Variants in DNAI4 observed in about 807,000 individuals in gnomAD.
DNAI4 encodes the protein WD repeat domain 78.
DNAI4 carries 85 observed loss-of-function variants against 105.8 expected under a neutral mutation model. That is an observed-to-expected ratio of 0.80 (90% CI 0.67 to 0.96). DNAI4 has a LOEUF of 0.96. Ranked by LOEUF, DNAI4 falls within the 40% of genes least tolerant of loss-of-function variation. DNAI4 has a pLI of 0.00. For synonymous variants in DNAI4, 352 were observed against 331.5 expected (o/e 1.06, Z -0.67); for missense variants, 1,014 against 1,005.6 (o/e 1.01, Z -0.11).
At chr1:66,819,200 C>G (rs1224418278) in intron 16 of DNAI4, among the ~76,000 whole-genome samples, 1 of 152,180 alleles carries the variant, frequency 6.6e-6, no homozygotes, top group Non-Finnish European at 1.5e-5. Flanking sequence ...ATGAGCCTTT[C>G]CAATTCCTTA....
intron 6 of DNAI4, among the ~76,000 whole-genome samples, chr1:66,866,593 T>C (rs1014842556): frequency 2.6e-5 from 4 of 152,196 alleles, no homozygotes; most frequent in African/African-American, 9.6e-5. Context: ...TGTATTTTAT[T>C]GTCTTCTTCT....
intron 6 of DNAI4, among the ~76,000 whole-genome samples, chr1:66,868,666 C>T (rs539503521): frequency 6.6e-6 from 1 of 152,222 alleles, no homozygotes; most frequent in Non-Finnish European, 1.5e-5. Flanking sequence ...TTCAAACTAC[C>T]ACATTAGCTT....
At chr1:66,883,949 A>G (rs1647136297) in intron 4 of DNAI4, among the ~76,000 whole-genome samples, 1 of 152,160 alleles carries the variant, frequency 6.6e-6, no homozygotes. Context: ...ACTTCTCCTA[A>G]GATTTTTCAC....
At chr1:66,841,227 G>A (rs938514723) in intron 8 of DNAI4, among the ~76,000 whole-genome samples, 7 of 152,182 alleles carry the variant, frequency 4.6e-5, no homozygotes, top group Admixed American at 3.9e-4. Flanking sequence ...AAGGGAAAGA[G>A]CTCTGCAGAC....
intron 7 of DNAI4, among the ~76,000 whole-genome samples, chr1:66,852,334 C>A (rs1020048983): frequency 4.6e-5 from 7 of 151,894 alleles, no homozygotes; most frequent in Non-Finnish European, 5.9e-5. Context: ...TTCTACATAA[C>A]CTTTTCCAAA....
chr1:66,826,999 A>G lies in DNAI4; in HGVS notation c.2160T>C (p.Phe720=). 1 of 1,614,154 alleles carries G rather than the reference A, an allele frequency of 6.2e-7. No homozygotes were observed. The highest frequency in any genetic ancestry group is 8.5e-7 in the Non-Finnish European group (1 of 1,180,030). The part of the protein sequence containing the change: ...VTWNPFCHDV[F]LSCSADWGVI... The stretch of plus-strand genomic sequence containing the variant: ...CACCCCAATCTGCAGAACAGCTTAA[A>G]AATACATCATGACAAAATGGATTCC... The change falls in exon 15 of 17, where the codon TTT becomes TTC. Residue 720 remains phenylalanine, a synonymous_variant. Coordinates refer to ENST00000371026, the MANE Select transcript of DNAI4 (RefSeq NM_024763.5).
At position 66,847,674 on chromosome 1, in the gene DNAI4, ACTAT is replaced by A; in HGVS notation, c.1097_1100del (p.Asn366MetfsTer6). 1 of 1,597,734 alleles carries A rather than the reference ACTAT, an allele frequency of 6.3e-7. No individual in the cohort carries two copies. The highest frequency in any genetic ancestry group is 1.1e-5 in the South Asian group (1 of 89,446). On this transcript the variant is annotated frameshift_variant and splice_region_variant, in exon 8 of 17. Coordinates refer to ENST00000371026, the MANE Select transcript of DNAI4 (RefSeq NM_024763.5). LOFTEE classifies it high-confidence loss of function. ...CTATGTCCATTAGAGAACTAGTTTCACTATCTACAAAATACAAACATGATACAAT... is the reference window on the plus strand; with the variant it reads ...CTATGTCCATTAGAGAACTAGTTTCACTACAAAATACAAACATGATACAAT...
intron 4 of DNAI4, 140 bp downstream of exon 4, chr1:66,891,014 G>A (rs990947200): frequency 5.6e-6 from 4 of 715,022 alleles, no homozygotes; most frequent in Non-Finnish European, 9.8e-6. Context: ...TATTCCCCTG[G>A]TAATTCTCTT....
intron 4 of DNAI4, among the ~76,000 whole-genome samples, chr1:66,888,052 C>T (rs1319126394): frequency 6.6e-6 from 1 of 152,040 alleles, no homozygotes; most frequent in African/African-American, 2.4e-5. Context: ...CTATTTGTAA[C>T]TTCCCATTCA....
chr1:66,898,846 G>A (rs1231966657), intron 2 of DNAI4, among the ~76,000 whole-genome samples: 1 of 152,146 alleles, frequency 6.6e-6, no homozygotes, highest in African/African-American at 2.4e-5. Context: ...TCCCTATTCA[G>A]GAGTTTGATA....
chr1:66,882,526 T>TC (rs2100717209), intron 4 of DNAI4, among the ~76,000 whole-genome samples: 2 of 143,906 alleles, frequency 1.4e-5, no homozygotes, highest in African/African-American at 5.4e-5. Flanking sequence ...CTCTCTCTCT[T>TC]TTTTTTTGCA....
At position 66,857,535 on chromosome 1, in the gene DNAI4, A is replaced by T. The variant is rs918123511; in HGVS notation, c.1096+4612T>A. Among the ~76,000 whole-genome samples the T allele has an allele frequency of 2.6e-3, 368 of 143,142 alleles. 1 individual carries two copies. Among genetic ancestry groups the T allele is most frequent in the African/African-American group, 8.6e-3 (337 of 39,146 alleles). The allele number at this position is 143,142 out of a possible 152,430, so 93.9% of individuals were successfully genotyped here. On this transcript the variant is annotated intron_variant, in intron 7 of 16. Transcript: ENST00000371026. ...ATAATGTTAAAGACTCTGCCCACAA[A>T]TTTTTTTTTTTTTTTTGAGATAGAG... is the stretch of plus-strand genomic sequence containing the variant.
chr1:66,822,337 A>C (rs1053411620), intron 16 of DNAI4, 24 bp downstream of exon 16: 5 of 1,574,982 alleles, frequency 3.2e-6, no homozygotes, highest in Non-Finnish European at 3.4e-6. Flanking sequence ...AAATGACACA[A>C]ATTTTTTTAC....
chr1:66,839,270 A>C (rs1033727010), intron 9 of DNAI4, among the ~76,000 whole-genome samples: 8 of 152,140 alleles, frequency 5.3e-5, no homozygotes, highest in African/African-American at 9.7e-5. Context: ...CCATCTCCCC[A>C]AAAAATTAAT....
chr1:66,890,445 A>G lies in DNAI4; in HGVS notation c.643+709T>C, dbSNP rs1185124591. On this transcript the variant is annotated intron_variant, in intron 4 of 16. Transcript: ENST00000371026. This position sits in a 1 kb window ranked among gnomAD's most constrained non-coding sequence, Gnocchi z 4.1. The stretch of plus-strand genomic sequence containing the variant: ...AACCCCGTCTCTATTAAAAATACAA[A>G]AAAATTAGCCAGGCATGGTGGCGGA... The G allele has an allele frequency of 6.6e-6, 1 of 152,556 alleles. No homozygotes were observed. The highest frequency in any genetic ancestry group is 6.5e-5 in the Admixed American group (1 of 15,276). 9.5% of individuals were successfully genotyped at this position (152,556 alleles called of 1,614,324 possible).
At chr1:66,840,906 C>T (rs147956733) in intron 8 of DNAI4, among the ~76,000 whole-genome samples, 4 of 152,294 alleles carry the variant, frequency 2.6e-5, no homozygotes, top group East Asian at 3.9e-4. Context: ...AGTAAATGGG[C>T]CAGTGTAGCA....
intron 11 of DNAI4, 46 bp from the exon 12 acceptor site, chr1:66,834,194 T>A: frequency 6.8e-7 from 1 of 1,470,656 alleles, no homozygotes; most frequent in Non-Finnish European, 9.1e-7. Flanking sequence ...TTATAATAAT[T>A]TCTTAAAGGC....
At chr1:66,856,881 A>G (rs923514618) in intron 7 of DNAI4, among the ~76,000 whole-genome samples, 2 of 152,094 alleles carry the variant, frequency 1.3e-5, no homozygotes, top group African/African-American at 4.8e-5. Context: ...ATTGGAAAAG[A>G]AGAAAGATCT....
intron 7 of DNAI4, chr1:66,848,098 C>A: frequency 2.4e-6 from 1 of 411,202 alleles, no homozygotes; most frequent in Non-Finnish European, 4.7e-6. Context: ...TCTTACAGTT[C>A]AGTAGATTAG....
Sources: allele counts gnomAD v4.1 joint callset (sites outside exome capture counted in the v4.1 genomes callset), GRCh38; gene constraint gnomAD v4.1.1; non-coding constraint Gnocchi (gnomAD v3.1); transcripts MANE v1.5; gene names NCBI Gene and HGNC (gene_info 2026-07-23, HGNC 2026-07-21).